The following SHISA9 variants were observed in gnomAD, a reference collection of about 807,000 sequenced individuals.
The protein encoded by SHISA9 is shisa family member 9.
A neutral mutation model predicts 38.0 loss-of-function variants in SHISA9; 13 were observed. The observed-to-expected ratio is 0.34, with a 90% CI of 0.22 to 0.54. SHISA9 has a LOEUF of 0.54. SHISA9 is among the 20% of genes least tolerant of loss of function. The probability of loss-of-function intolerance (pLI) is 0.91; values close to 1 mark genes in which losing one functional copy is unlikely to be tolerated. For missense variants in SHISA9, 538 were observed against 575.8 expected, an observed-to-expected ratio of 0.93 and a Z score of 0.67; for synonymous variants, 275 against 242.0, an observed-to-expected ratio of 1.14 and a Z score of -1.27.
the SHISA9 span, among the ~76,000 whole-genome samples, chr16:13,276,534 C>A: frequency 1.8e-3 from 281 of 152,236 alleles, 1 homozygote; most frequent in African/African-American, 6.4e-3. Context: ...TTCCCACCAG[C>A]AATGTAGTAG....
At chr16:13,504,055 C>T in the SHISA9 span, among the ~76,000 whole-genome samples, 3 of 152,168 alleles carry the variant, frequency 2.0e-5, no homozygotes, top group African/African-American at 7.2e-5. Context: ...TTTGCAGAAG[C>T]AGCCTAGTGT....
intron 2 of SHISA9, among the ~76,000 whole-genome samples, chr16:12,986,086 T>C (rs190499361): frequency 1.3e-5 from 2 of 151,264 alleles, no homozygotes; most frequent in East Asian, 3.9e-4. Context: ...CTGTGTCACC[T>C]GCATCTTTAC....
At chr16:13,326,878 T>TG in the SHISA9 span, among the ~76,000 whole-genome samples, 3 of 78,598 alleles carry the variant, frequency 3.8e-5, no homozygotes, top group Non-Finnish European at 2.7e-5. Context: ...TACCTACTTT[T>TG]ATTTTTTGTT....
the SHISA9 span, among the ~76,000 whole-genome samples, chr16:13,445,668 G>C: frequency 6.6e-6 from 1 of 152,120 alleles, no homozygotes; most frequent in Non-Finnish European, 1.5e-5. Context: ...TCCTTTGATT[G>C]AAACTTTTGG....
chr16:13,490,312 C>T, the SHISA9 span, among the ~76,000 whole-genome samples: 1 of 152,160 alleles, frequency 6.6e-6, no homozygotes, highest in Admixed American at 6.5e-5. Flanking sequence ...CCTGTAATCC[C>T]AGCACTTTGG....
chr16:13,272,657 A>T, the SHISA9 span, among the ~76,000 whole-genome samples: 1 of 152,220 alleles, frequency 6.6e-6, no homozygotes, highest in Non-Finnish European at 1.5e-5. Flanking sequence ...CATCACATTT[A>T]TACACTAAAT....
downstream of SHISA9, among the ~76,000 whole-genome samples, chr16:13,241,436 G>A (rs189881487): frequency 3.5e-3 from 524 of 151,590 alleles, 5 homozygotes; most frequent in African/African-American, 0.012. Flanking sequence ...AACTTGGGAG[G>A]CGGAGGTTGC....
the SHISA9 span, among the ~76,000 whole-genome samples, chr16:13,318,055 C>G: frequency 1.3e-5 from 2 of 148,748 alleles, no homozygotes; most frequent in African/African-American, 5.0e-5. Context: ...GTGGCAATGT[C>G]TATAATCTAT....
chr16:13,126,226 T>TG (rs1376601256), intron 2 of SHISA9, among the ~76,000 whole-genome samples: 1 of 152,198 alleles, frequency 6.6e-6, no homozygotes, highest in Non-Finnish European at 1.5e-5. Context: ...AAGCCTTCCC[T>TG]GGGGCCCTCC....
chr16:13,214,360 C>T (rs1367283082), intron 4 of SHISA9, among the ~76,000 whole-genome samples: 1 of 152,116 alleles, frequency 6.6e-6, no homozygotes, highest in Non-Finnish European at 1.5e-5. Flanking sequence ...TGCCACCGTG[C>T]CCAGCTAATT....
intron 2 of SHISA9, among the ~76,000 whole-genome samples, chr16:13,116,796 G>A (rs2074034948): frequency 6.6e-6 from 1 of 152,144 alleles, no homozygotes; most frequent in Non-Finnish European, 1.5e-5. Context: ...CGTGAATAGT[G>A]CCTAACACAA....
At chr16:13,138,244 ACTGAATCAG>A (rs1245748812) in intron 2 of SHISA9, among the ~76,000 whole-genome samples, 7 of 152,218 alleles carry the variant, frequency 4.6e-5, no homozygotes, top group African/African-American at 1.7e-4. Context: ...TCCCAGAGCA[ACTGAATCAG>A]AAGCTGCATT....
At chr16:13,484,140 T>TATTCCC in the SHISA9 span, among the ~76,000 whole-genome samples, 2 of 151,996 alleles carry the variant, frequency 1.3e-5, no homozygotes, top group Admixed American at 1.3e-4. Flanking sequence ...ACCCAGCTGG[T>TATTCCC]ATTCCCTGCT....
At chr16:13,331,168 A>T in the SHISA9 span, among the ~76,000 whole-genome samples, 3,429 of 152,226 alleles carry the variant, frequency 0.023, 121 homozygotes, top group African/African-American at 0.078. Context: ...AGACCCACGA[A>T]GTGTCCCATA....
chr16:13,209,960 G>A (rs891630582), intron 3 of SHISA9, among the ~76,000 whole-genome samples: 6 of 152,158 alleles, frequency 3.9e-5, no homozygotes, highest in African/African-American at 1.2e-4. Flanking sequence ...AATTAGCTGG[G>A]TGTGGTGGCA....
At chr16:12,934,623 G>T (rs1397662142) in intron 2 of SHISA9, among the ~76,000 whole-genome samples, 4 of 152,136 alleles carry the variant, frequency 2.6e-5, no homozygotes, top group Non-Finnish European at 5.9e-5. Flanking sequence ...TATGTCTCAA[G>T]GCAATACATT....
the SHISA9 span, among the ~76,000 whole-genome samples, chr16:13,459,408 A>G: frequency 6.6e-6 from 1 of 152,174 alleles, no homozygotes; most frequent in Admixed American, 6.5e-5. Flanking sequence ...GGACAAGGGT[A>G]GAAGGATACA....
chr16:13,522,984 T>C, the SHISA9 span, among the ~76,000 whole-genome samples: 5 of 152,164 alleles, frequency 3.3e-5, no homozygotes, highest in African/African-American at 1.2e-4. Context: ...TGGAGACCAG[T>C]GCTCCCCAAA....
At chr16:13,370,203 T>A in the SHISA9 span, among the ~76,000 whole-genome samples, 1 of 152,178 alleles carries the variant, frequency 6.6e-6, no homozygotes, top group African/African-American at 2.4e-5. Flanking sequence ...CCTGGCTTGG[T>A]AACGACCAAC....
Sources: allele counts gnomAD v4.1 joint callset (sites outside exome capture counted in the v4.1 genomes callset), GRCh38; gene constraint gnomAD v4.1.1; transcripts MANE v1.5; gene names NCBI Gene and HGNC (gene_info 2026-07-23, HGNC 2026-07-21).